The following C18orf63 variants were observed in gnomAD, a reference collection of about 807,000 sequenced individuals.
The protein encoded by C18orf63 is chromosome 18 open reading frame 63, also known as uncharacterized protein C18orf63.
C18orf63 carries 50 observed loss-of-function variants against 75.3 expected under a neutral mutation model. The ratio of observed to expected loss-of-function variants is 0.66; its 90% confidence interval spans 0.53 to 0.84. C18orf63 has a LOEUF of 0.84. Ranked by LOEUF, C18orf63 falls within the 40% of genes least tolerant of loss-of-function variation. The pLI is 0.00. For synonymous variants in C18orf63, 232 were observed against 267.6 expected, an observed-to-expected ratio of 0.87 and a Z score of 1.30; for missense variants, 732 against 800.2, an observed-to-expected ratio of 0.91 and a Z score of 1.03.
chr18:74,325,121 T>G, intron 4 of C18orf63, among the ~76,000 whole-genome samples: 1 of 152,202 alleles, frequency 6.6e-6, no homozygotes, highest in East Asian at 1.9e-4. Context: ...TCTAGTTTCT[T>G]ATTGTGGAAG....
At chr18:74,326,851 G>A (rs112552149) in intron 4 of C18orf63, among the ~76,000 whole-genome samples, 308 of 152,108 alleles carry the variant, frequency 2.0e-3, no homozygotes, top group African/African-American at 6.9e-3. Flanking sequence ...AATTAATTTT[G>A]TATTATACAA....
Position 74,317,832 on chromosome 18 carries a change from AG to A in C18orf63, c.-32del. 1 of 1,488,864 alleles carries A rather than the reference AG, an allele frequency of 6.7e-7. No individual in the cohort carries two copies. Among genetic ancestry groups the A allele is most frequent in the East Asian group, 2.5e-5 (1 of 40,094 alleles). The allele number at this position is 1,488,864 out of a possible 1,614,324, so 92.2% of individuals were successfully genotyped here. ...ACCTTTTTTTGCTGTTTATTTTTAA[AG>A]GCCTGATTGCTGAGACACTCAGTCA... On this transcript the variant is annotated splice_acceptor_variant, in intron 1 of 13. Transcript: ENST00000579455. LOFTEE classifies it low-confidence loss of function (5UTR_SPLICE).
chr18:74,349,262 C>T (rs1478968963), intron 11 of C18orf63, among the ~76,000 whole-genome samples: 2 of 152,162 alleles, frequency 1.3e-5, no homozygotes, highest in Non-Finnish European at 2.9e-5. Flanking sequence ...GACAAAACAT[C>T]TCTTTAAGGT....
At chr18:74,333,603 T>C (rs963071855) in intron 7 of C18orf63, among the ~76,000 whole-genome samples, 2 of 152,114 alleles carry the variant, frequency 1.3e-5, no homozygotes, top group Non-Finnish European at 1.5e-5. Context: ...GAGAACACAC[T>C]ATCACAAGAA....
intron 4 of C18orf63, among the ~76,000 whole-genome samples, chr18:74,326,278 T>C (rs2145117564): frequency 6.6e-6 from 1 of 152,366 alleles, no homozygotes. Context: ...TAGAGATGGA[T>C]AATATTGGGA....
chr18:74,357,728 TTTAG>T lies in C18orf63; in HGVS notation c.*1285_*1288del, dbSNP rs566847757. ...GTTAACTCCTGCTCCTGAAATTGTG[TTTAG>T]TTAATTAATTTGCTATATACCTTTA... On this transcript the variant is annotated 3_prime_UTR_variant, in exon 14 of 14. Transcript: ENST00000579455. 2.6e-5 allele frequency: 4 copies of T among 152,228 alleles called. No individual in the cohort carries two copies. Among genetic ancestry groups the T allele is most frequent in the Admixed American group, 6.5e-5 (1 of 15,276 alleles). 9.4% of individuals were successfully genotyped at this position (152,228 alleles called of 1,614,324 possible).
chr18:74,343,757 A>G (rs1362151062), intron 11 of C18orf63, 55 bp downstream of exon 11: 4 of 1,190,984 alleles, frequency 3.4e-6, no homozygotes, highest in Non-Finnish European at 4.4e-6. Context: ...CATCTATTTT[A>G]CTTGAATCTC....
rs1276838401 is a variant in C18orf63, at chr18:74,358,650, A to C, written c.*2203A>C. 2 of 152,176 alleles carry C rather than the reference A, an allele frequency of 1.3e-5. No individual in the cohort carries two copies. Among genetic ancestry groups the C allele is most frequent in the Admixed American group, 6.5e-5 (1 of 15,272 alleles). 9.4% of individuals were successfully genotyped at this position (152,176 alleles called of 1,614,324 possible). ...TATTCTTATATTCCAATTGTGCATT[A>C]GTTTTAGAACCATTTTAATTTTAAA... On this transcript the variant is annotated 3_prime_UTR_variant, in exon 14 of 14. Coordinates refer to ENST00000579455, the MANE Select transcript of C18orf63 (RefSeq NM_001174123.2).
intron 7 of C18orf63, among the ~76,000 whole-genome samples, chr18:74,336,014 A>G (rs968954417): frequency 2.0e-5 from 3 of 152,086 alleles, no homozygotes; most frequent in Admixed American, 6.5e-5. Context: ...CTAGGGTTGT[A>G]AGGAGGTTAT....
intron 13 of C18orf63, among the ~76,000 whole-genome samples, chr18:74,355,690 C>A (rs1363809200): frequency 6.6e-6 from 1 of 151,982 alleles, no homozygotes; most frequent in Non-Finnish European, 1.5e-5. Context: ...GAGGCTGAGG[C>A]AGGTGGATCA....
rs1255337818 is a variant in C18orf63, at chr18:74,334,885, T to C, written c.502-3830T>C. On this transcript the variant is annotated intron_variant, in intron 7 of 13. Coordinates refer to ENST00000579455, the MANE Select transcript of C18orf63 (RefSeq NM_001174123.2). Reference sequence around the variant, plus strand: ...TACTGCTCTCCAAGTAGCCAGACTATGAATTGTTTCTCAAAGATAGTATGG... The same window carrying C: ...TACTGCTCTCCAAGTAGCCAGACTACGAATTGTTTCTCAAAGATAGTATGG... 5.9e-5 allele frequency among the ~76,000 whole-genome samples: 9 copies of C among 152,196 alleles called. No individual in the cohort carries two copies. The South Asian group carries it at 1.7e-3, about 28-fold the overall frequency.
chr18:74,356,071 T>C (rs181583022), intron 13 of C18orf63, among the ~76,000 whole-genome samples: 8 of 152,286 alleles, frequency 5.3e-5, no homozygotes, highest in Admixed American at 3.3e-4. Context: ...TCAATAAATA[T>C]TAAATTTTTA....
At chr18:74,352,489 C>T in intron 11 of C18orf63, among the ~76,000 whole-genome samples, 1 of 151,796 alleles carries the variant, frequency 6.6e-6, no homozygotes, top group East Asian at 1.9e-4. Context: ...ATGTATCTGA[C>T]AAATTTCTTT....
intron 8 of C18orf63, among the ~76,000 whole-genome samples, chr18:74,339,388 T>A (rs1984442916): frequency 6.6e-6 from 1 of 152,136 alleles, no homozygotes; most frequent in South Asian, 2.1e-4. Context: ...CAGCAATATC[T>A]TTGGGTGGAA....
At chr18:74,347,165 G>T (rs1042330430) in intron 11 of C18orf63, among the ~76,000 whole-genome samples, 4 of 152,200 alleles carry the variant, frequency 2.6e-5, no homozygotes, top group Non-Finnish European at 5.9e-5. Context: ...TGAGGCAGAG[G>T]CTAGCGGTGG....
At position 74,353,576 on chromosome 18, in the gene C18orf63, C is replaced by T; in HGVS notation, c.1309C>T (p.Pro437Ser). 1 of 1,536,354 alleles carries T rather than the reference C, an allele frequency of 6.5e-7. No individual in the cohort carries two copies. The highest frequency in any genetic ancestry group is 8.7e-7 in the Non-Finnish European group (1 of 1,146,908). Reference sequence around the variant, plus strand: ...AAGCAACATCACCCCTAAGTTTGTACCAGTTTTCAAAAATAGATTGTTACA... The same window carrying T: ...AAGCAACATCACCCCTAAGTTTGTATCAGTTTTCAAAAATAGATTGTTACA... ...SQSNITPKFV[P>S]VFKNRLLQMN... The change falls in exon 12 of 14, where the codon CCA becomes TCA. Residue 437 changes from proline (P) to serine (S), a missense_variant. Coordinates refer to ENST00000579455, the MANE Select transcript of C18orf63 (RefSeq NM_001174123.2).
chr18:74,342,904 T>C (rs1457046517), intron 10 of C18orf63, among the ~76,000 whole-genome samples: 6 of 152,174 alleles, frequency 3.9e-5, no homozygotes, highest in Admixed American at 6.5e-5. Context: ...TCTTCTGACC[T>C]GCTGGAGTTT....
intron 8 of C18orf63, among the ~76,000 whole-genome samples, 198 bp downstream of exon 8, chr18:74,339,022 A>C (rs745551528): frequency 5.9e-5 from 9 of 152,164 alleles, no homozygotes; most frequent in African/African-American, 1.9e-4. Flanking sequence ...CAAATTAATA[A>C]TTTTATTATA....
At chr18:74,347,985 A>G (rs887638421) in intron 11 of C18orf63, among the ~76,000 whole-genome samples, 1 of 152,118 alleles carries the variant, frequency 6.6e-6, no homozygotes, top group Non-Finnish European at 1.5e-5. Flanking sequence ...ATTTCAAAAT[A>G]TTTTTATATA....
Sources: gnomAD v4.1 joint callset for allele counts (sites outside exome capture counted in the v4.1 genomes callset) on GRCh38, gnomAD v4.1.1 for gene constraint, MANE v1.5 for transcripts, NCBI Gene and HGNC (gene_info 2026-07-23, HGNC 2026-07-21) for gene names.